RGS3: variants seen among roughly 807,000 people sequenced by gnomAD.
The protein encoded by RGS3 is regulator of G protein signaling 3.
Under a neutral mutation model 132.6 loss-of-function variants are expected in RGS3, and 80 were observed. That is an observed-to-expected ratio of 0.60 (90% CI 0.50 to 0.73). The LOEUF is 0.73. RGS3 is among the 30% of genes least tolerant of loss of function. The probability of loss-of-function intolerance (pLI) is 0.00; values close to 1 mark genes in which losing one functional copy is unlikely to be tolerated. For synonymous variants in RGS3, 598 were observed against 620.6 expected (o/e 0.96, Z 0.54); for missense variants, 1,382 against 1,530.8 (o/e 0.90, Z 1.62).
intron 17 of RGS3, among the ~76,000 whole-genome samples, chr9:113,523,821 A>C (rs1238795752): frequency 6.6e-6 from 1 of 152,122 alleles, no homozygotes; most frequent in East Asian, 1.9e-4. Context: ...CAGTGAAAGA[A>C]TTCTGTTTTG....
At chr9:113,482,156 T>G (rs1588147452) in intron 4 of RGS3, among the ~76,000 whole-genome samples, 1 of 152,110 alleles carries the variant, frequency 6.6e-6, no homozygotes, top group Non-Finnish European at 1.5e-5. Flanking sequence ...CTTCTTTCTA[T>G]AGACCTCAGG....
At chr9:113,499,533 G>C (rs190000219) in intron 10 of RGS3, among the ~76,000 whole-genome samples, 2 of 152,340 alleles carry the variant, frequency 1.3e-5, no homozygotes, top group African/African-American at 2.4e-5. Context: ...AGTATTTTAC[G>C]TATTACACAA....
intron 10 of RGS3, among the ~76,000 whole-genome samples, chr9:113,500,102 G>T (rs565191778): frequency 6.6e-6 from 1 of 152,156 alleles, no homozygotes; most frequent in Non-Finnish European, 1.5e-5. Flanking sequence ...GTCCTCCTGC[G>T]TGCTGGATTC....
At position 113,566,762 on chromosome 9, in the gene RGS3, C is replaced by G. The variant is rs541517247; in HGVS notation, c.2038-16688C>G. On this transcript the variant is annotated intron_variant, in intron 19 of 24. Transcript: ENST00000350696. ...GCCCTCAGGCCTTCTGGCTGGGTGG[C>G]TATCTGGCGTCCTCTCCCAGTGCTA... Among the ~76,000 whole-genome samples the G allele has an allele frequency of 2.6e-5, 4 of 152,364 alleles. No homozygotes were observed. In the East Asian group the frequency reaches 7.7e-4, roughly 29 times the overall value.
chr9:113,479,835 A>G (rs1159420693), intron 4 of RGS3, among the ~76,000 whole-genome samples: 19 of 152,190 alleles, frequency 1.2e-4, no homozygotes, highest in Non-Finnish European at 2.2e-4. Flanking sequence ...GCAGGGCCAC[A>G]GAAGAGTTTT....
At chr9:113,592,679 G>A (rs1230211229) in intron 21 of RGS3, 1 of 152,082 alleles carries the variant, frequency 6.6e-6, no homozygotes, top group Non-Finnish European at 1.5e-5. Flanking sequence ...TAGAGATGGG[G>A]GTTTTGCCAT....
rs1834912022 is a variant in RGS3 at position 113,583,246 on chromosome 9, C to G, written c.2038-204C>G. The stretch of plus-strand genomic sequence containing the variant: ...ATGACCAGCTGTGTTTTTGATGGAG[C>G]AGAAAGTTCAAGCAAGAAGACAGGG... On this transcript the variant is annotated intron_variant, in intron 19 of 24. Transcript: ENST00000350696. 10 of 871,614 alleles carry G rather than the reference C, an allele frequency of 1.1e-5. No individual in the cohort carries two copies. In the East Asian group the frequency reaches 2.7e-4, roughly 23 times the overall value. The allele number at this position is 871,614 out of a possible 1,614,324, so 54.0% of individuals were successfully genotyped here.
chr9:113,503,971 G>A (rs1280627066), intron 10 of RGS3, among the ~76,000 whole-genome samples: 4 of 152,008 alleles, frequency 2.6e-5, no homozygotes, highest in Admixed American at 1.3e-4. Flanking sequence ...TTATGGGAAC[G>A]GGGTATTTTC....
At chr9:113,489,214 G>A (rs539765410) in intron 7 of RGS3, among the ~76,000 whole-genome samples, 1 of 152,262 alleles carries the variant, frequency 6.6e-6, no homozygotes, top group African/African-American at 2.4e-5. Flanking sequence ...TGGACATTAA[G>A]CACATGGCAC....
rs373835864 is a variant in RGS3 at position 113,559,694 on chromosome 9, C to T, written c.2037+22776C>T. 1.2e-4 allele frequency among the ~76,000 whole-genome samples: 18 copies of T among 152,282 alleles called. 1 individual carries two copies. The highest frequency in any genetic ancestry group is 2.6e-4 in the African/African-American group (11 of 41,552). On this transcript the variant is annotated intron_variant, in intron 19 of 24. Coordinates refer to ENST00000350696, the Ensembl canonical transcript of RGS3. ...GGAGCCATGCTGCCTGCTGGGCTTC[C>T]GCCTTGTAACCTTTCTGTACCTCAG...
chr9:113,552,294 C>T (rs1348285157), intron 19 of RGS3, among the ~76,000 whole-genome samples: 1 of 151,850 alleles, frequency 6.6e-6, no homozygotes, highest in Non-Finnish European at 1.5e-5. Flanking sequence ...AAAATTATTT[C>T]CCCCCTCTTC....
exon 1 of RGS3, chr9:113,460,326 C>G (rs1253903508): frequency 2.9e-6 from 1 of 347,814 alleles, no homozygotes; most frequent in South Asian, 2.4e-5. Flanking sequence ...CGAGACCATC[C>G]TGGCTAACAG....
At chr9:113,456,250 A>G (rs991741581), upstream of RGS3, among the ~76,000 whole-genome samples, 2 of 152,140 alleles carry the variant, frequency 1.3e-5, no homozygotes, top group Non-Finnish European at 2.9e-5. Flanking sequence ...CTCACAGGGA[A>G]TTCCTAAATC....
At chr9:113,548,574 G>A (rs1399725650) in intron 19 of RGS3, among the ~76,000 whole-genome samples, 2 of 152,194 alleles carry the variant, frequency 1.3e-5, no homozygotes, top group Non-Finnish European at 2.9e-5. Context: ...AGCTGGGTGG[G>A]GAGGCCTCAC....
At chr9:113,480,260 C>T (rs1830116250) in intron 4 of RGS3, among the ~76,000 whole-genome samples, 1 of 151,988 alleles carries the variant, frequency 6.6e-6, no homozygotes, top group Non-Finnish European at 1.5e-5. Flanking sequence ...AGTTCAAGAC[C>T]GGCCTGGCCA....
In RGS3 at chr9:113,537,648, G is replaced by A. The variant is rs1025045564; in HGVS notation, c.2037+730G>A. On this transcript the variant is annotated intron_variant, in intron 19 of 24. Transcript: ENST00000350696. The surrounding 1 kb of genome is among the most constrained non-coding windows in gnomAD (Gnocchi z 4.3). The stretch of plus-strand genomic sequence containing the variant: ...GCTGGCCATTTGGGAATTGGGTCTG[G>A]TTGGCTGCAAAAGTTGCTGAGGTGG... Among the ~76,000 whole-genome samples the A allele has an allele frequency of 6.6e-6, 1 of 152,220 alleles. No homozygotes were observed. Among genetic ancestry groups the A allele is most frequent in the Non-Finnish European group, 1.5e-5 (1 of 68,046 alleles).
chr9:113,517,387 G>C (rs1393250622), intron 15 of RGS3, 154 bp from the exon 14 acceptor site: 1 of 708,008 alleles, frequency 1.4e-6, no homozygotes, highest in African/African-American at 1.7e-5. Context: ...TTATGTATGA[G>C]GGGGTGTGTG....
rs536423117 is a variant in RGS3, at chr9:113,463,437, A to G, written c.415+1236A>G. 1.1e-3 allele frequency among the ~76,000 whole-genome samples: 165 copies of G among 151,800 alleles called. No homozygotes were observed. Among genetic ancestry groups the G allele is most frequent in the African/African-American group, 3.6e-3 (150 of 41,562 alleles). ...GGACGAGGAGGCCAAGCCTGCCCAG[A>G]GTGGGCACCCCGGACTGGGCCTTCT... is the stretch of plus-strand genomic sequence containing the variant. On this transcript the variant is annotated intron_variant, in intron 3 of 24. Transcript: ENST00000350696. This position sits in a 1 kb window ranked among gnomAD's most constrained non-coding sequence, Gnocchi z 4.6.
chr9:113,590,785 G>A (rs963211963), intron 20 of RGS3, among the ~76,000 whole-genome samples: 3 of 152,158 alleles, frequency 2.0e-5, no homozygotes, highest in Non-Finnish European at 2.9e-5. Flanking sequence ...AGATCCAGTC[G>A]TGTTACGGAG....
Sources: gnomAD v4.1 joint callset for allele counts (sites outside exome capture counted in the v4.1 genomes callset) on GRCh38, gnomAD v4.1.1 for gene constraint, Gnocchi (gnomAD v3.1) non-coding constraint, MANE v1.5 for transcripts, NCBI Gene and HGNC (gene_info 2026-07-23, HGNC 2026-07-21) for gene names.